ZNF141: variants seen among roughly 807,000 people sequenced by gnomAD.
ZNF141 encodes zinc finger protein 141.
Under a neutral mutation model 11.3 loss-of-function variants are expected in ZNF141, and 7 were observed. That is an observed-to-expected ratio of 0.62 (90% CI 0.35 to 1.16). The LOEUF is 1.16. ZNF141 is among the 50% of genes most tolerant of loss of function. The pLI, the probability that ZNF141 is intolerant of heterozygous loss-of-function variation, is 0.02. For missense variants in ZNF141, 535 were observed against 554.0 expected (o/e 0.97, Z 0.34); for synonymous variants, 183 against 190.7 (o/e 0.96, Z 0.33).
rs1712706519 is a variant in ZNF141, at chr4:382,476, CAA to C, written c.*8616_*8617del. The C allele has an allele frequency of 6.6e-6, 1 of 152,100 alleles. No homozygotes were observed. The highest frequency in any genetic ancestry group is 1.5e-5 in the Non-Finnish European group (1 of 68,006). The allele number at this position is 152,100 out of a possible 1,614,324, so 9.4% of individuals were successfully genotyped here. Reference sequence around the variant, plus strand: ...TATATTAAAAATCATAAATAGTCAACAAATGCAAAAAATGCAAAGAATTTGTA... The same window carrying C: ...TATATTAAAAATCATAAATAGTCAACATGCAAAAAATGCAAAGAATTTGTA... On this transcript the variant is annotated 3_prime_UTR_variant, in exon 4 of 4. Transcript: ENST00000240499.
rs1272096723 is a variant in ZNF141 at position 384,433 on chromosome 4, AGCT to A, written c.*10572_*10574del. On this transcript the variant is annotated 3_prime_UTR_variant, in exon 4 of 4. Coordinates refer to ENST00000240499, the MANE Select transcript of ZNF141 (RefSeq NM_003441.4). ...GGGACCACACCTGCACCACCCATGT[AGCT>A]AGCAGGAAGAAATGTGGTTAAGAAC... 6.6e-6 allele frequency: 1 copy of A among 152,220 alleles called. No individual in the cohort carries two copies. Among genetic ancestry groups the A allele is most frequent in the Non-Finnish European group, 1.5e-5 (1 of 68,040 alleles). The allele number at this position is 152,220 out of a possible 1,614,324, so 9.4% of individuals were successfully genotyped here.
chr4:383,937 T>G lies in ZNF141; in HGVS notation c.*10075T>G, dbSNP rs186495657. ...TGGGGCTCACACCCACCCTGTAGAG[T>G]GCTTTCTCACTTTAATAAAATCTTG... On this transcript the variant is annotated 3_prime_UTR_variant, in exon 4 of 4. Transcript: ENST00000240499. 6.6e-6 allele frequency: 1 copy of G among 152,312 alleles called. No homozygotes were observed. The highest frequency in any genetic ancestry group is 6.5e-5 in the Admixed American group (1 of 15,306). The allele number at this position is 152,312 out of a possible 1,614,324, so 9.4% of individuals were successfully genotyped here.
chr4:356,960 C>G (rs1721871103), intron 3 of ZNF141, among the ~76,000 whole-genome samples: 1 of 151,766 alleles, frequency 6.6e-6, no homozygotes, highest in Non-Finnish European at 1.5e-5. Context: ...TCAATTTAAC[C>G]TTTTGTTTTG....
intron 3 of ZNF141, among the ~76,000 whole-genome samples, chr4:369,760 ATATATTTTTTTTTTTT>A (rs1711952585): frequency 2.9e-5 from 1 of 34,092 alleles, no homozygotes; most frequent in African/African-American, 2.0e-4. Flanking sequence ...ATATATATAT[ATATATTTTTTTTTTTT>A]TTTTTTTTGA....
At position 374,372 on chromosome 4, in the gene ZNF141, C is replaced by T; in HGVS notation, c.*510C>T. On this transcript the variant is annotated 3_prime_UTR_variant, in exon 4 of 4. Transcript: ENST00000240499. ...GAATTCATGCTGGAGCAAAATGCTT[C>T]ACATGCGAAGAATGTGGCACAGTCT... The T allele has an allele frequency of 2.8e-6, 1 of 361,822 alleles. No individual in the cohort carries two copies. The allele number at this position is 361,822 out of a possible 1,614,324, so 22.4% of individuals were successfully genotyped here. A position where few individuals can be genotyped will look rare whatever the true frequency, so the allele number is the denominator to read the frequency against.
intron 2 of ZNF141, 33 bp downstream of exon 2, chr4:343,941 T>C: frequency 6.3e-7 from 1 of 1,576,518 alleles, no homozygotes; most frequent in South Asian, 1.2e-5. Context: ...ATTCCTAATT[T>C]TTCTCAGAGC....
rs1265756664 is a variant in ZNF141 at position 377,260 on chromosome 4, C to CA, written c.*3401dup. On this transcript the variant is annotated 3_prime_UTR_variant, in exon 4 of 4. Coordinates refer to ENST00000240499, the MANE Select transcript of ZNF141 (RefSeq NM_003441.4). ...TTGATCTATTATTGTAGTGAACAAA[C>CA]AAAGTTCTGGGTGTGTAATAGATGC... is the stretch of plus-strand genomic sequence containing the variant. Among the ~76,000 whole-genome samples, 7 of 152,050 alleles carry CA rather than the reference C, an allele frequency of 4.6e-5. No homozygotes were observed. Among genetic ancestry groups the CA allele is most frequent in the African/African-American group, 1.2e-4 (5 of 41,402 alleles).
At chr4:340,654 G>C (rs577013476) in intron 1 of ZNF141, among the ~76,000 whole-genome samples, 1 of 152,184 alleles carries the variant, frequency 6.6e-6, no homozygotes, top group African/African-American at 2.4e-5. Context: ...AGAAATACAA[G>C]TTCTTTTAAT....
chr4:347,686 A>G (rs1355124250), intron 3 of ZNF141, among the ~76,000 whole-genome samples: 2 of 150,654 alleles, frequency 1.3e-5, no homozygotes, highest in Middle Eastern at 3.2e-3. Context: ...AAGTTTATCA[A>G]TTTGCATCTC....
At chr4:339,969 A>T (rs1720973049) in intron 1 of ZNF141, among the ~76,000 whole-genome samples, 1 of 152,250 alleles carries the variant, frequency 6.6e-6, no homozygotes, top group Non-Finnish European at 1.5e-5. Context: ...TATGTATGAT[A>T]CATGGTACTG....
chr4:345,009 C>T (rs528677676), intron 3 of ZNF141, among the ~76,000 whole-genome samples: 1 of 152,116 alleles, frequency 6.6e-6, no homozygotes, highest in Non-Finnish European at 1.5e-5. Flanking sequence ...TAAGGGGCTG[C>T]ATGATGTGAC....
chr4:357,799 C>T (rs1254316082), intron 3 of ZNF141, among the ~76,000 whole-genome samples: 2 of 151,292 alleles, frequency 1.3e-5, no homozygotes, highest in East Asian at 2.0e-4. Context: ...TTGCGCCTCC[C>T]GGATTCAAGC....
intron 3 of ZNF141, among the ~76,000 whole-genome samples, chr4:370,419 A>T (rs1339683820): frequency 1.3e-5 from 2 of 152,054 alleles, no homozygotes; most frequent in African/African-American, 4.8e-5. Flanking sequence ...TGTTGTGCTA[A>T]TATACTTTTC....
Position 374,329 on chromosome 4 carries a change from C to T in ZNF141, c.*467C>T. 3.1e-6 allele frequency: 1 copy of T among 324,990 alleles called. No homozygotes were observed. 20.1% of individuals were successfully genotyped at this position (324,990 alleles called of 1,614,324 possible). On this transcript the variant is annotated 3_prime_UTR_variant, in exon 4 of 4. Transcript: ENST00000240499. ...GGCAAAGCCTTTAAATGGTCCTCAA[C>T]CCTTAATGAACGTAAGTGAATTCAT...
intron 3 of ZNF141, among the ~76,000 whole-genome samples, chr4:356,995 C>G (rs996481292): frequency 6.6e-6 from 1 of 151,976 alleles, no homozygotes. Flanking sequence ...TACTTTGTTA[C>G]TCAGGCTATA....
intron 3 of ZNF141, among the ~76,000 whole-genome samples, chr4:366,043 A>C (rs1249914637): frequency 6.6e-6 from 1 of 152,090 alleles, no homozygotes; most frequent in Middle Eastern, 3.2e-3. Flanking sequence ...GCTTTATAGC[A>C]TATTTCGGAG....
At position 378,743 on chromosome 4, in the gene ZNF141, A is replaced by G. The variant is rs1255695153; in HGVS notation, c.*4881A>G. Among the ~76,000 whole-genome samples the G allele has an allele frequency of 1.3e-5, 2 of 150,252 alleles. No individual in the cohort carries two copies. The highest frequency in any genetic ancestry group is 6.7e-5 in the Admixed American group (1 of 14,952). ...TTCATGGGCTACAGTTTTCATTTTT[A>G]CTCACCTAACTTTATCCAAGTCCTT... On this transcript the variant is annotated 3_prime_UTR_variant, in exon 4 of 4. Coordinates refer to ENST00000240499, the MANE Select transcript of ZNF141 (RefSeq NM_003441.4).
rs1214320748 is a variant in ZNF141, at chr4:382,094, T to C, written c.*8232T>C. ...CCAAGTAGCTGGGACTACAGGCACCTGCTACCATGCCCGGCTAATTTTTTT... is the reference window on the plus strand; with the variant it reads ...CCAAGTAGCTGGGACTACAGGCACCCGCTACCATGCCCGGCTAATTTTTTT... On this transcript the variant is annotated 3_prime_UTR_variant, in exon 4 of 4. Transcript: ENST00000240499. 1.3e-5 allele frequency among the ~76,000 whole-genome samples: 2 copies of C among 151,676 alleles called. No homozygotes were observed. Among genetic ancestry groups the C allele is most frequent in the African/African-American group, 2.4e-5 (1 of 41,232 alleles).
Position 381,109 on chromosome 4 carries a change from T to G in ZNF141, c.*7247T>G, listed in dbSNP as rs1486246030. On this transcript the variant is annotated 3_prime_UTR_variant, in exon 4 of 4. Transcript: ENST00000240499. ...TGTAATGTAATTAAATATTATTTACTACAAACTCACATAGTACATTATGAC... is the reference window on the plus strand; with the variant it reads ...TGTAATGTAATTAAATATTATTTACGACAAACTCACATAGTACATTATGAC... 6.6e-6 allele frequency among the ~76,000 whole-genome samples: 1 copy of G among 152,214 alleles called. No homozygotes were observed. Among genetic ancestry groups the G allele is most frequent in the South Asian group, 2.1e-4 (1 of 4,838 alleles).
Sources: allele counts gnomAD v4.1 joint callset (sites outside exome capture counted in the v4.1 genomes callset), GRCh38; gene constraint gnomAD v4.1.1; transcripts MANE v1.5; gene names NCBI Gene and HGNC (gene_info 2026-07-23, HGNC 2026-07-21).